The following HUNK variants were observed in gnomAD, a reference collection of about 807,000 sequenced individuals.
HUNK encodes hormonally up-regulated Neu-associated kinase.
Under a neutral mutation model 61.0 loss-of-function variants are expected in HUNK, and 21 were observed. The observed-to-expected ratio is 0.34, with a 90% confidence interval of 0.24 to 0.50. HUNK has a LOEUF of 0.50. Among genes scored for constraint, HUNK ranks in the 20% least tolerant of loss-of-function variants. The pLI, the probability that HUNK is intolerant of heterozygous loss-of-function variation, is 0.98. For synonymous variants in HUNK, 371 were observed against 386.1 expected (o/e 0.96, Z 0.46); for missense variants, 772 against 945.7 (o/e 0.82, Z 2.41).
intron 1 of HUNK, among the ~76,000 whole-genome samples, chr21:31,908,122 A>G (rs1055131124): frequency 4.6e-5 from 7 of 152,222 alleles, no homozygotes; most frequent in Non-Finnish European, 1.0e-4. Flanking sequence ...AAAGCATTTA[A>G]AGAATGAAAA....
At chr21:31,948,963 T>C (rs1372683018) in intron 4 of HUNK, among the ~76,000 whole-genome samples, 1 of 152,178 alleles carries the variant, frequency 6.6e-6, no homozygotes, top group Non-Finnish European at 1.5e-5. Flanking sequence ...GTGAAACACG[T>C]CAGGAATCAG....
At chr21:31,971,067 A>C (rs1481499657) in intron 6 of HUNK, among the ~76,000 whole-genome samples, 1 of 432 alleles carries the variant, frequency 2.3e-3, no homozygotes, top group African/African-American at 8.8e-3. Flanking sequence ...CTTTTTCTTT[A>C]TTTTTATTTA....
chr21:31,886,255 C>T (rs1261014427), intron 1 of HUNK, among the ~76,000 whole-genome samples: 1 of 151,984 alleles, frequency 6.6e-6, no homozygotes, highest in Admixed American at 6.6e-5. Context: ...AACCCTGTCT[C>T]TATGAAAAAT....
At chr21:31,960,767 C>G (rs1284756923) in intron 5 of HUNK, among the ~76,000 whole-genome samples, 6 of 152,176 alleles carry the variant, frequency 3.9e-5, no homozygotes, top group Non-Finnish European at 2.9e-5. Flanking sequence ...TCAATTATCT[C>G]CACCTGGCCC....
intron 5 of HUNK, among the ~76,000 whole-genome samples, chr21:31,966,782 T>C (rs1464725074): frequency 2.0e-5 from 3 of 152,178 alleles, no homozygotes; most frequent in South Asian, 2.1e-4. Context: ...AAGAGAAGGA[T>C]AGAAAAATCG....
In HUNK at chr21:32,003,191, C is replaced by T. The variant is rs2053257352; in HGVS notation, c.*4007C>T. On this transcript the variant is annotated 3_prime_UTR_variant, in exon 11 of 11. Transcript: ENST00000270112. ...ATCACAACAGGTATTTCTGAAGTTC[C>T]TGCAGGGACTAGGTCTTGCATTTTT... The T allele has an allele frequency of 6.6e-6, 1 of 152,224 alleles. No individual in the cohort carries two copies. The highest frequency in any genetic ancestry group is 1.5e-5 in the Non-Finnish European group (1 of 68,056). The allele number at this position is 152,224 out of a possible 1,614,324, so 9.4% of individuals were successfully genotyped here. A position where few individuals can be genotyped will look rare whatever the true frequency, so the allele number is the denominator to read the frequency against.
In HUNK at chr21:32,002,872, C is replaced by T. The variant is rs890965508; in HGVS notation, c.*3688C>T. 1 of 152,184 alleles carries T rather than the reference C, an allele frequency of 6.6e-6. No homozygotes were observed. Among genetic ancestry groups the T allele is most frequent in the Non-Finnish European group, 1.5e-5 (1 of 68,044 alleles). 9.4% of individuals were successfully genotyped at this position (152,184 alleles called of 1,614,324 possible). ...GAAGCTCACTGTTCACTGTGCAAAG[C>T]CCCAGTAGTCGGATTCCGGGGAAAA... On this transcript the variant is annotated 3_prime_UTR_variant, in exon 11 of 11. Transcript: ENST00000270112.
intron 1 of HUNK, among the ~76,000 whole-genome samples, chr21:31,875,787 C>T (rs1402471990): frequency 6.6e-6 from 1 of 152,198 alleles, no homozygotes; most frequent in Non-Finnish European, 1.5e-5. Context: ...AGTCTTTATG[C>T]TCACAACGTC....
At chr21:31,909,016 G>A (rs2052527884) in intron 1 of HUNK, among the ~76,000 whole-genome samples, 1 of 152,148 alleles carries the variant, frequency 6.6e-6, no homozygotes, top group Admixed American at 6.6e-5. Flanking sequence ...CAGGATGCTA[G>A]CATTACCTGT....
In HUNK at chr21:31,979,338, C is replaced by CG. The variant is rs2053075183; in HGVS notation, c.1174-4188_1174-4187insG. ...TTCACCATGTTGGCCAGGATGGTCT[C>CG]AATCTCTTGACCTTGTGATCTGCCT... On this transcript the variant is annotated intron_variant, in intron 7 of 10. Transcript: ENST00000270112. Among the ~76,000 whole-genome samples, 3 of 151,814 alleles carry CG rather than the reference C, an allele frequency of 2.0e-5. No homozygotes were observed. In the East Asian group the frequency reaches 5.9e-4, roughly 30 times the overall value.
At chr21:31,884,453 G>A (rs368126616) in intron 1 of HUNK, among the ~76,000 whole-genome samples, 21 of 152,052 alleles carry the variant, frequency 1.4e-4, no homozygotes, top group African/African-American at 4.8e-4. Flanking sequence ...TTAGCCAGGC[G>A]TGGTGGTGGG....
chr21:31,983,281 C>G (rs1386842845), intron 7 of HUNK, among the ~76,000 whole-genome samples: 2 of 152,156 alleles, frequency 1.3e-5, no homozygotes, highest in Non-Finnish European at 2.9e-5. Flanking sequence ...CTCAGGGTCA[C>G]CTGGCCCTTT....
rs1302682942 is a variant in HUNK, at chr21:32,003,302, TG to T, written c.*4121del. 1.3e-5 allele frequency: 2 copies of T among 152,230 alleles called. No homozygotes were observed. The highest frequency in any genetic ancestry group is 3.8e-4 in the East Asian group (2 of 5,202). 9.4% of individuals were successfully genotyped at this position (152,230 alleles called of 1,614,324 possible). ...GAAGCTGGGGAAAGACAGCTTTCTT[TG>T]GGAACTCTGTCTTTCTCAGTTGACT... On this transcript the variant is annotated 3_prime_UTR_variant, in exon 11 of 11. Transcript: ENST00000270112.
chr21:31,913,871 C>T (rs1289943139), intron 1 of HUNK, among the ~76,000 whole-genome samples: 1 of 151,786 alleles, frequency 6.6e-6, no homozygotes, highest in Non-Finnish European at 1.5e-5. Context: ...TGCCAGGGAC[C>T]CTGGTGAGGT....
chr21:31,990,262 C>T (rs557735337), intron 9 of HUNK, 86 bp downstream of exon 9: 1 of 1,276,226 alleles, frequency 7.8e-7, no homozygotes, highest in African/African-American at 1.5e-5. Context: ...GAGATTGAGA[C>T]TGAGATTTAT....
intron 6 of HUNK, among the ~76,000 whole-genome samples, chr21:31,971,019 C>A (rs1054260340): frequency 2.6e-5 from 4 of 152,092 alleles, no homozygotes; most frequent in Non-Finnish European, 5.9e-5. Flanking sequence ...ACACTAGAGG[C>A]AAATCAGTGT....
chr21:31,962,170 T>C (rs1241503374), intron 5 of HUNK, among the ~76,000 whole-genome samples: 1 of 152,158 alleles, frequency 6.6e-6, no homozygotes, highest in Non-Finnish European at 1.5e-5. Flanking sequence ...TTCTAAAACA[T>C]GGCATGCGGC....
rs1431623335 is a variant in HUNK, at chr21:31,999,533, T to A, written c.*349T>A. On this transcript the variant is annotated 3_prime_UTR_variant, in exon 11 of 11. Coordinates refer to ENST00000270112, the MANE Select transcript of HUNK (RefSeq NM_014586.2). ...CAGATTATGGACTGTTACCAGATCT[T>A]TCTTCACGCTGTGCTACATGTGTGC... 3 of 255,784 alleles carry A rather than the reference T, an allele frequency of 1.2e-5. No homozygotes were observed. Among genetic ancestry groups the A allele is most frequent in the East Asian group, 1.6e-4 (2 of 12,372 alleles). The allele number at this position is 255,784 out of a possible 1,614,324, so 15.8% of individuals were successfully genotyped here.
chr21:31,932,232 T>G (rs1281596655), intron 2 of HUNK, among the ~76,000 whole-genome samples: 1 of 152,178 alleles, frequency 6.6e-6, no homozygotes, highest in Non-Finnish European at 1.5e-5. Context: ...ACTGCTCCTG[T>G]CTGCCTCTTT....
Sources: gnomAD v4.1 joint callset for allele counts (sites outside exome capture counted in the v4.1 genomes callset) on GRCh38, gnomAD v4.1.1 for gene constraint, MANE v1.5 for transcripts, NCBI Gene and HGNC (gene_info 2026-07-23, HGNC 2026-07-21) for gene names.